HSF2: variants seen among roughly 807,000 people sequenced by gnomAD.
The protein encoded by HSF2 is heat shock factor protein 2.
In HSF2, 21 loss-of-function variants were observed where a neutral mutation model predicts 65.0. The observed-to-expected ratio is 0.32, with a 90% confidence interval of 0.23 to 0.47. The LOEUF is 0.47. Among genes scored for constraint, HSF2 ranks in the 20% least tolerant of loss-of-function variants. The pLI is 1.00. For missense variants in HSF2, 499 were observed against 628.1 expected, an observed-to-expected ratio of 0.79 and a Z score of 2.20; for synonymous variants, 225 against 219.1, an observed-to-expected ratio of 1.03 and a Z score of -0.24.
chr6:122,431,973 A>G lies in HSF2; in HGVS notation c.1364A>G (p.Asp455Gly), dbSNP rs747520083. ...GCCTTTCCACTTCTTGCATTCCTCG[A>G]TGGGAACCCTGCTTCTTCTGTTGAA... ...YTAFPLLAFLDGNPASSVEQA... is the reference protein window; with the variant it reads ...YTAFPLLAFLGGNPASSVEQA... Residue 455 changes from aspartate to glycine, a missense_variant, in exon 13 of 13, where the codon GAT (aspartate) becomes GGT (glycine). By Grantham distance (94) the Asp-to-Gly change is moderately conservative (BLOSUM62 -1). This residue lies in a region of HSF2 where 349 missense variants were observed against 393.5 expected (regional missense o/e 0.89). Transcript: ENST00000368455. 6.8e-6 allele frequency: 11 copies of G among 1,613,994 alleles called. No individual in the cohort carries two copies. Among genetic ancestry groups the G allele is most frequent in the Non-Finnish European group, 9.3e-6 (11 of 1,179,938 alleles).
intron 6 of HSF2, 108 bp downstream of exon 6, chr6:122,419,337 A>G: frequency 1.8e-6 from 1 of 550,428 alleles, no homozygotes; most frequent in Non-Finnish European, 3.3e-6. Flanking sequence ...TTGTCCAAAA[A>G]GAACAATTCT....
chr6:122,424,096 A>T (rs933729636), intron 10 of HSF2, among the ~76,000 whole-genome samples: 1 of 151,980 alleles, frequency 6.6e-6, no homozygotes, highest in African/African-American at 2.4e-5. Context: ...AACATTTTTT[A>T]CTCAAATATG....
At chr6:122,425,800 A>C (rs1202050071) in intron 10 of HSF2, among the ~76,000 whole-genome samples, 1 of 152,006 alleles carries the variant, frequency 6.6e-6, no homozygotes, top group East Asian at 1.9e-4. Flanking sequence ...TTGGCTTGTA[A>C]GATTGCTTTC....
At chr6:122,407,001 T>G (rs929895298) in intron 1 of HSF2, among the ~76,000 whole-genome samples, 1 of 152,152 alleles carries the variant, frequency 6.6e-6, no homozygotes, top group Non-Finnish European at 1.5e-5. Context: ...AGTTTAGACC[T>G]TGTAACTGGT....
At chr6:122,402,921 G>A (rs1405332676) in intron 1 of HSF2, among the ~76,000 whole-genome samples, 1 of 151,910 alleles carries the variant, frequency 6.6e-6, no homozygotes, top group Admixed American at 6.6e-5. Flanking sequence ...TTGTATTTCT[G>A]TTGAGGTAAT....
intron 11 of HSF2, among the ~76,000 whole-genome samples, chr6:122,428,941 C>T (rs1000714457): frequency 2.6e-5 from 4 of 151,964 alleles, no homozygotes; most frequent in Admixed American, 1.3e-4. Context: ...ATACTTTCTC[C>T]ATAAAGGGGC....
intron 4 of HSF2, among the ~76,000 whole-genome samples, chr6:122,414,917 C>T (rs1774089312): frequency 6.6e-6 from 1 of 152,136 alleles, no homozygotes; most frequent in Admixed American, 6.5e-5. Flanking sequence ...GCACCCAGCC[C>T]TACTTATCTT....
intron 10 of HSF2, among the ~76,000 whole-genome samples, chr6:122,426,823 C>T (rs544497436): frequency 6.6e-6 from 1 of 151,992 alleles, no homozygotes; most frequent in African/African-American, 2.4e-5. Context: ...ATCATTCAGG[C>T]CATTCCCAAG....
At chr6:122,405,668 C>T (rs746419846) in intron 1 of HSF2, among the ~76,000 whole-genome samples, 20 of 152,028 alleles carry the variant, frequency 1.3e-4, no homozygotes, top group African/African-American at 2.9e-4. Context: ...CTCTAGGTCA[C>T]GGGTTGGCAA....
At chr6:122,411,800 A>G (rs1355078070) in intron 1 of HSF2, among the ~76,000 whole-genome samples, 1 of 151,884 alleles carries the variant, frequency 6.6e-6, no homozygotes, top group Non-Finnish European at 1.5e-5. Flanking sequence ...TGCCAGTACC[A>G]TGCTACTTTG....
At position 122,432,114 on chromosome 6, in the gene HSF2, G is replaced by T. The variant is rs770437959; in HGVS notation, c.1505G>T (p.Arg502Leu). 2 of 1,614,066 alleles carry T rather than the reference G, an allele frequency of 1.2e-6. No homozygotes were observed. The change falls in exon 13 of 13, where the codon CGC (arginine) becomes CTC (leucine). Residue 502 changes from arginine to leucine, a missense_variant. Arg to Leu is a moderately radical substitution (Grantham distance 102, BLOSUM62 -2). This residue lies in a region of HSF2 where 349 missense variants were observed against 393.5 expected (regional missense o/e 0.89). Coordinates refer to ENST00000368455, the MANE Select transcript of HSF2 (RefSeq NM_004506.4). The stretch of plus-strand genomic sequence containing the variant: ...GAACCAACCCAAAGTAAGCTTGTTC[G>T]CCTGGAGCCATTGACTGAAGCTGAA... ...DPEPTQSKLV[R>L]LEPLTEAEAS...
chr6:122,426,766 T>A (rs930383690), intron 10 of HSF2, among the ~76,000 whole-genome samples: 8 of 151,982 alleles, frequency 5.3e-5, no homozygotes, highest in Non-Finnish European at 1.2e-4. Flanking sequence ...CTGTGAACCA[T>A]TTGGTGTGTT....
rs747791774 is a variant in HSF2, at chr6:122,413,507, A to G, written c.331-18A>G. On this transcript the variant is annotated intron_variant, in intron 3 of 12. Coordinates refer to ENST00000368455, the MANE Select transcript of HSF2 (RefSeq NM_004506.4). The stretch of plus-strand genomic sequence containing the variant: ...GTGTTTACTGTTTCTTTGATTTTCT[A>G]AATTTACTTTTTCAAAGGTTTCATC... 11 of 1,534,468 alleles carry G rather than the reference A, an allele frequency of 7.2e-6. No individual in the cohort carries two copies. In the South Asian group the frequency reaches 9.2e-5, roughly 13 times the overall value.
intron 1 of HSF2, among the ~76,000 whole-genome samples, chr6:122,411,728 C>A (rs1391858417): frequency 1.3e-5 from 2 of 151,710 alleles, no homozygotes; most frequent in African/African-American, 4.8e-5. Flanking sequence ...GTCAAAAATC[C>A]TTTGGCAGGG....
intron 1 of HSF2, among the ~76,000 whole-genome samples, chr6:122,410,560 A>G (rs984649910): frequency 9.9e-5 from 15 of 151,870 alleles, no homozygotes; most frequent in African/African-American, 3.6e-4. Flanking sequence ...CCATTTCACA[A>G]TAACTTCTAA....
chr6:122,399,873 G>A (rs1405752930), intron 1 of HSF2, 43 bp downstream of exon 1: 1 of 1,400,082 alleles, frequency 7.1e-7, no homozygotes, highest in Non-Finnish European at 1.0e-6. Flanking sequence ...CTGAATAACC[G>A]CCTCCTCACT....
At chr6:122,408,407 C>T (rs768925980) in intron 1 of HSF2, among the ~76,000 whole-genome samples, 2 of 150,572 alleles carry the variant, frequency 1.3e-5, no homozygotes, top group Non-Finnish European at 1.5e-5. Context: ...TAGGGAAAAT[C>T]GATATCTCTG....
At chr6:122,411,259 A>G (rs984115976) in intron 1 of HSF2, among the ~76,000 whole-genome samples, 3 of 151,674 alleles carry the variant, frequency 2.0e-5, no homozygotes, top group Non-Finnish European at 4.4e-5. Context: ...ATCTTCTTTG[A>G]AGAAATATCT....
chr6:122,431,546 G>A, intron 12 of HSF2, 32 bp downstream of exon 12: 1 of 1,278,758 alleles, frequency 7.8e-7, no homozygotes, highest in Non-Finnish European at 1.1e-6. Context: ...AGTCTCTGTA[G>A]GTTTTTTTAA....
Sources: allele counts gnomAD v4.1 joint callset (sites outside exome capture counted in the v4.1 genomes callset), GRCh38; gene constraint gnomAD v4.1.1; regional missense constraint gnomAD v4.1.1; transcripts MANE v1.5; gene names NCBI Gene and HGNC (gene_info 2026-07-23, HGNC 2026-07-21).